RBFOX1: variants seen among roughly 807,000 people sequenced by gnomAD.
The protein encoded by RBFOX1 is RNA binding fox-1 homolog 1.
Under a neutral mutation model 57.7 loss-of-function variants are expected in RBFOX1, and 8 were observed. The ratio of observed to expected loss-of-function variants is 0.14; its 90% confidence interval spans 0.08 to 0.25. The LOEUF (loss-of-function observed/expected upper bound fraction) is 0.25. Ranked by LOEUF, RBFOX1 falls within the 10% of genes least tolerant of loss-of-function variation. The pLI, the probability that RBFOX1 is intolerant of heterozygous loss-of-function variation, is 1.00. For synonymous variants in RBFOX1, 326 were observed against 222.4 expected, an observed-to-expected ratio of 1.47 and a Z score of -4.15; for missense variants, 611 against 548.5, an observed-to-expected ratio of 1.11 and a Z score of -1.14.
downstream of RBFOX1, among the ~76,000 whole-genome samples, chr16:5,603,352 T>C (rs1433968882): frequency 6.6e-6 from 1 of 152,108 alleles, no homozygotes; most frequent in South Asian, 2.1e-4. Flanking sequence ...ATGGGGAAAC[T>C]GAGGCTCAGA....
intron 2 of RBFOX1, among the ~76,000 whole-genome samples, chr16:5,556,040 C>G (rs944732167): frequency 6.6e-5 from 10 of 151,912 alleles, no homozygotes; most frequent in Non-Finnish European, 1.2e-4. Flanking sequence ...AACAAACAAA[C>G]AAACAAAGAC....
chr16:5,891,559 A>T, intron 4 of RBFOX1, among the ~76,000 whole-genome samples: 1 of 152,168 alleles, frequency 6.6e-6, no homozygotes, highest in East Asian at 1.9e-4. Context: ...AGCCCGCTTA[A>T]TTGGATGGAT....
chr16:7,287,277 G>T (rs546288105), intron 4 of RBFOX1, among the ~76,000 whole-genome samples: 1 of 152,274 alleles, frequency 6.6e-6, no homozygotes, highest in African/African-American at 2.4e-5. Context: ...AGGTTTTCCC[G>T]ACAAAGATGC....
chr16:6,742,165 C>G (rs1017630550), intron 3 of RBFOX1, among the ~76,000 whole-genome samples: 3 of 152,008 alleles, frequency 2.0e-5, no homozygotes, highest in African/African-American at 7.2e-5. Context: ...TTTAGAAAAT[C>G]TTTTTAAAGT....
intron 10 of RBFOX1, among the ~76,000 whole-genome samples, chr16:7,620,601 CTT>C (rs1020110858): frequency 2.0e-5 from 3 of 152,194 alleles, no homozygotes; most frequent in Non-Finnish European, 4.4e-5. Context: ...TAGCTAACAT[CTT>C]TAGCCAGGAA....
chr16:6,257,086 T>A (rs778874762), intron 1 of RBFOX1, among the ~76,000 whole-genome samples: 40 of 152,160 alleles, frequency 2.6e-4, no homozygotes, highest in Non-Finnish European at 4.9e-4. Flanking sequence ...ATTTATTGAA[T>A]GATTTGGTTA....
At chr16:7,421,400 C>G (rs2098541420) in intron 4 of RBFOX1, among the ~76,000 whole-genome samples, 1 of 152,190 alleles carries the variant, frequency 6.6e-6, no homozygotes, top group South Asian at 2.1e-4. Flanking sequence ...CCATCTAGGA[C>G]TGTTTATATT....
chr16:7,157,736 C>T (rs1402464985), intron 4 of RBFOX1, among the ~76,000 whole-genome samples: 2 of 152,164 alleles, frequency 1.3e-5, no homozygotes, highest in Non-Finnish European at 2.9e-5. Flanking sequence ...TGCAGCTCTT[C>T]ACTGGGCAAG....
intron 2 of RBFOX1, among the ~76,000 whole-genome samples, chr16:6,606,704 C>T (rs1197853050): frequency 2.0e-5 from 3 of 152,078 alleles, no homozygotes; most frequent in Non-Finnish European, 4.4e-5. Flanking sequence ...TTTTTATGGC[C>T]GTATAGCATT....
chr16:6,186,746 G>C (rs1480191021), intron 1 of RBFOX1, among the ~76,000 whole-genome samples: 2 of 152,182 alleles, frequency 1.3e-5, no homozygotes, highest in African/African-American at 4.8e-5. Flanking sequence ...CTCTAGGAGG[G>C]GAGCAGTGAA....
intron 3 of RBFOX1, among the ~76,000 whole-genome samples, chr16:6,677,210 A>G (rs1459165237): frequency 6.6e-6 from 1 of 152,312 alleles, no homozygotes; most frequent in East Asian, 1.9e-4. Flanking sequence ...TGGCAGGACT[A>G]CAACTAGAAT....
intron 3 of RBFOX1, among the ~76,000 whole-genome samples, chr16:5,612,928 A>T (rs2047876697): frequency 6.6e-6 from 1 of 152,160 alleles, no homozygotes; most frequent in Admixed American, 6.6e-5. Context: ...CAAAACATGG[A>T]TCTGGCCCCT....
At chr16:6,766,181 A>G (rs11867159) in intron 3 of RBFOX1, among the ~76,000 whole-genome samples, 56,721 of 151,622 alleles carry the variant, frequency 0.37, 11,737 homozygotes, top group Non-Finnish European at 0.47. Flanking sequence ...AGATATGGAG[A>G]AAAAAAAAGA....
intron 2 of RBFOX1, among the ~76,000 whole-genome samples, chr16:6,491,817 C>A (rs1167814558): frequency 6.6e-6 from 1 of 152,160 alleles, no homozygotes; most frequent in Non-Finnish European, 1.5e-5. Context: ...GTCCCTTTCC[C>A]CGTTTTTTTG....
intron 4 of RBFOX1, among the ~76,000 whole-genome samples, chr16:7,435,339 A>T (rs2098713286): frequency 1.3e-5 from 2 of 152,062 alleles, no homozygotes; most frequent in Admixed American, 1.3e-4. Context: ...GGAGAGGAAG[A>T]CCACAGAGAC....
At chr16:7,097,476 A>G (rs1171131864) in intron 4 of RBFOX1, among the ~76,000 whole-genome samples, 2 of 152,144 alleles carry the variant, frequency 1.3e-5, no homozygotes, top group African/African-American at 2.4e-5. Context: ...GGAGGACAGT[A>G]AGAGAGTGAG....
At chr16:7,370,271 C>G (rs1227520412) in intron 4 of RBFOX1, among the ~76,000 whole-genome samples, 6 of 152,114 alleles carry the variant, frequency 3.9e-5, no homozygotes, top group Non-Finnish European at 8.8e-5. Flanking sequence ...AAGTTATTTT[C>G]TTGGTACCCA....
chr16:5,752,228 A>G (rs1040925454), intron 3 of RBFOX1, among the ~76,000 whole-genome samples: 4 of 152,228 alleles, frequency 2.6e-5, no homozygotes, highest in African/African-American at 9.6e-5. Flanking sequence ...TGATGAGAAC[A>G]CAGGGACACA....
chr16:5,637,170 G>T (rs983528459), intron 3 of RBFOX1, among the ~76,000 whole-genome samples: 2 of 152,156 alleles, frequency 1.3e-5, no homozygotes, highest in African/African-American at 2.4e-5. Flanking sequence ...AAGCTGTCAC[G>T]CAGGGCAGCA....
Sources: gnomAD v4.1 joint callset for allele counts (sites outside exome capture counted in the v4.1 genomes callset) on GRCh38, gnomAD v4.1.1 for gene constraint, MANE v1.5 for transcripts, NCBI Gene and HGNC (gene_info 2026-07-23, HGNC 2026-07-21) for gene names.